Variants in NIPA1 observed in about 807,000 individuals in gnomAD.
NIPA1 encodes the protein magnesium transporter NIPA1.
A neutral mutation model predicts 23.9 loss-of-function variants in NIPA1; 13 were observed. The observed-to-expected ratio is 0.54, with a 90% CI of 0.35 to 0.87. The LOEUF is 0.87. Among genes scored for constraint, NIPA1 ranks in the 40% least tolerant of loss-of-function variants. The pLI, the probability that NIPA1 is intolerant of heterozygous loss-of-function variation, is 0.01. For missense variants in NIPA1, 362 were observed against 429.7 expected (o/e 0.84, Z 1.39); for synonymous variants, 234 against 202.9 (o/e 1.15, Z -1.30).
intron 4 of NIPA1, among the ~76,000 whole-genome samples, chr15:22,822,403 A>T (rs938723564): frequency 6.6e-6 from 1 of 152,016 alleles, no homozygotes; most frequent in Non-Finnish European, 1.5e-5. Context: ...GCAGCCCCCA[A>T]TCATTGCAAA....
intron 1 of NIPA1, among the ~76,000 whole-genome samples, chr15:22,791,033 A>T (rs928891158): frequency 2.0e-5 from 3 of 152,142 alleles, no homozygotes; most frequent in Non-Finnish European, 2.9e-5. Context: ...TTATATGGTT[A>T]TATTGCACAG....
rs527436087 is a variant in NIPA1 at position 22,802,116 on chromosome 15, G to A, written c.179-8633G>A. ...TTTTAAATTAAAAAAATTAAGGGTC[G>A]GGCACGGTGGCTCACGCCCGTAATC... On this transcript the variant is annotated intron_variant, in intron 1 of 4. Coordinates refer to ENST00000337435, the MANE Select transcript of NIPA1 (RefSeq NM_144599.5). Among the ~76,000 whole-genome samples the A allele has an allele frequency of 2.6e-5, 4 of 152,030 alleles. No individual in the cohort carries two copies. In the East Asian group the frequency reaches 5.8e-4, roughly 22 times the overall value.
In NIPA1 at chr15:22,804,080, G is replaced by A. The variant is rs577304155; in HGVS notation, c.179-6669G>A. On this transcript the variant is annotated intron_variant, in intron 1 of 4. Transcript: ENST00000337435. ...CAACCTCTGCCTCCCTAGTTCGAGC[G>A]ATTCTCCTGCGTCAGCGTCCTGAGT... 7.4e-4 allele frequency among the ~76,000 whole-genome samples: 112 copies of A among 151,820 alleles called. 2 individuals are homozygous for A. The highest frequency in any genetic ancestry group is 2.6e-3 in the African/African-American group (107 of 41,384).
chr15:22,823,009 C>T (rs1895572595), intron 4 of NIPA1, among the ~76,000 whole-genome samples: 2 of 138,350 alleles, frequency 1.4e-5, no homozygotes, highest in Non-Finnish European at 3.1e-5. Flanking sequence ...ACCTCTGCCT[C>T]CCGGGTTCAA....
At chr15:22,797,234 G>C (rs1471999622) in intron 1 of NIPA1, among the ~76,000 whole-genome samples, 1 of 147,782 alleles carries the variant, frequency 6.8e-6, no homozygotes, top group Non-Finnish European at 1.5e-5. Context: ...TTTTTGGACG[G>C]AGTCTCGCTC....
Position 22,826,767 on chromosome 15 carries a change from A to T in NIPA1, c.*2528A>T, listed in dbSNP as rs1324338904. On this transcript the variant is annotated 3_prime_UTR_variant, in exon 5 of 5. Transcript: ENST00000337435. ...GGTCCTGGGACAGTTAGAATCTTTC[A>T]GGTTTACCTCTGTTCAGCAGATACT... 1 of 152,146 alleles carries T rather than the reference A, an allele frequency of 6.6e-6. No homozygotes were observed. Among genetic ancestry groups the T allele is most frequent in the African/African-American group, 2.4e-5 (1 of 41,434 alleles). The allele number at this position is 152,146 out of a possible 1,614,324, so 9.4% of individuals were successfully genotyped here. A position where few individuals can be genotyped will look rare whatever the true frequency, so the allele number is the denominator to read the frequency against.
At chr15:22,817,625 A>T (rs932102446) in intron 3 of NIPA1, among the ~76,000 whole-genome samples, 1 of 151,296 alleles carries the variant, frequency 6.6e-6, no homozygotes, top group Non-Finnish European at 1.5e-5. Flanking sequence ...ACACGGTGAA[A>T]CCCCATCTCT....
chr15:22,814,574 T>G (rs776607619), intron 3 of NIPA1, among the ~76,000 whole-genome samples: 1 of 143,388 alleles, frequency 7.0e-6, no homozygotes. Flanking sequence ...TGGAATTACA[T>G]AGAAACAGAA....
chr15:22,821,641 G>A (rs1895542621), intron 4 of NIPA1, among the ~76,000 whole-genome samples: 1 of 74,024 alleles, frequency 1.4e-5, no homozygotes, highest in South Asian at 4.3e-4. Flanking sequence ...TGGTTTGCAT[G>A]TCCACACCCT....
chr15:22,812,331 A>G, intron 3 of NIPA1, 78 bp downstream of exon 3: 1 of 1,061,586 alleles, frequency 9.4e-7, no homozygotes, highest in Non-Finnish European at 1.4e-6. Flanking sequence ...TTTCTGTTAA[A>G]GTAATAAGAG....
intron 1 of NIPA1, among the ~76,000 whole-genome samples, chr15:22,789,321 C>G (rs1201599578): frequency 1.3e-5 from 2 of 152,054 alleles, no homozygotes; most frequent in Non-Finnish European, 2.9e-5. Flanking sequence ...TCAAAGTGAA[C>G]TTGTGATTTT....
At position 22,820,311 on chromosome 15, in the gene NIPA1, A is replaced by T. The variant is rs1199974258; in HGVS notation, c.318-2A>T. The T allele has an allele frequency of 6.2e-7, 1 of 1,603,462 alleles. No homozygotes were observed. The highest frequency in any genetic ancestry group is 1.1e-5 in the South Asian group (1 of 90,844). On this transcript the variant is annotated splice_acceptor_variant, in intron 3 of 4. Coordinates refer to ENST00000337435, the MANE Select transcript of NIPA1 (RefSeq NM_144599.5). LOFTEE classifies it high-confidence loss of function. ...TTAATGATTTCTCTTTTTTCAATAA[A>T]GGTCCATTTTAGCTTCCTATCTCCT... is the stretch of plus-strand genomic sequence containing the variant.
intron 1 of NIPA1, among the ~76,000 whole-genome samples, chr15:22,789,434 C>T (rs1022125994): frequency 8.5e-5 from 13 of 152,288 alleles, no homozygotes; most frequent in Admixed American, 7.8e-4. Flanking sequence ...CAGTTCTTCC[C>T]GGTCTGGACC....
At chr15:22,816,572 A>G (rs1465125461) in intron 3 of NIPA1, among the ~76,000 whole-genome samples, 7 of 133,556 alleles carry the variant, frequency 5.2e-5, no homozygotes, top group South Asian at 2.5e-4. Flanking sequence ...GCTCACTGCA[A>G]CCTCGGCCTC....
chr15:22,806,831 G>T (rs1048885965), intron 1 of NIPA1, among the ~76,000 whole-genome samples: 2 of 152,180 alleles, frequency 1.3e-5, no homozygotes, highest in African/African-American at 4.8e-5. Flanking sequence ...AGCCAACTCA[G>T]TGAGGAAGCT....
At chr15:22,799,608 C>A (rs1168687562) in intron 1 of NIPA1, among the ~76,000 whole-genome samples, 1 of 151,980 alleles carries the variant, frequency 6.6e-6, no homozygotes, top group Non-Finnish European at 1.5e-5. Context: ...CGGTGAAACC[C>A]CATCTCTACT....
chr15:22,811,545 A>C (rs1315029368), intron 2 of NIPA1, among the ~76,000 whole-genome samples: 1 of 152,204 alleles, frequency 6.6e-6, no homozygotes, highest in Non-Finnish European at 1.5e-5. Flanking sequence ...TGGAGGCTGC[A>C]GTGAGCCAAG....
chr15:22,799,591 G>C (rs1386560421), intron 1 of NIPA1, among the ~76,000 whole-genome samples: 1 of 152,002 alleles, frequency 6.6e-6, no homozygotes, highest in East Asian at 1.9e-4. Flanking sequence ...GACCATCCTG[G>C]CTAACACGGT....
Position 22,824,080 on chromosome 15 carries a change from C to T in NIPA1, c.831C>T (p.Ala277=). 3 of 1,614,130 alleles carry T rather than the reference C, an allele frequency of 1.9e-6. No individual in the cohort carries two copies. Among genetic ancestry groups the T allele is most frequent in the Non-Finnish European group, 2.5e-6 (3 of 1,179,984 alleles). Residue 277 remains alanine (A), a synonymous_variant, in exon 5 of 5, where the codon GCC becomes GCT. Coordinates refer to ENST00000337435, the MANE Select transcript of NIPA1 (RefSeq NM_144599.5). This position sits in a 1 kb window ranked among gnomAD's most constrained non-coding sequence, Gnocchi z 4.1. ...CCACGCTGGTCCTGCTGGCCTCAGC[C>T]ATCCTCTTCCGGGAGTGGAGCAACG... The part of the protein sequence containing the change: ...VFTTLVLLAS[A]ILFREWSNVG...
Sources: gnomAD v4.1 joint callset for allele counts (sites outside exome capture counted in the v4.1 genomes callset) on GRCh38, gnomAD v4.1.1 for gene constraint, Gnocchi (gnomAD v3.1) non-coding constraint, MANE v1.5 for transcripts, NCBI Gene and HGNC (gene_info 2026-07-23, HGNC 2026-07-21) for gene names.